TCAIM: variants seen among roughly 807,000 people sequenced by gnomAD.
TCAIM encodes T-cell activation inhibitor, mitochondrial.
TCAIM carries 36 observed loss-of-function variants against 58.6 expected under a neutral mutation model. The observed-to-expected ratio is 0.61, with a 90% CI of 0.47 to 0.81. TCAIM has a LOEUF of 0.81. TCAIM is among the 30% of genes least tolerant of loss of function. TCAIM has a pLI of 0.00. For missense variants in TCAIM, 466 were observed against 579.6 expected, an observed-to-expected ratio of 0.80 and a Z score of 2.01; for synonymous variants, 172 against 193.6, an observed-to-expected ratio of 0.89 and a Z score of 0.93.
intron 1 of TCAIM, among the ~76,000 whole-genome samples, chr3:44,347,042 G>C (rs1270343302): frequency 2.6e-5 from 4 of 152,164 alleles, no homozygotes; most frequent in Non-Finnish European, 4.4e-5. Context: ...TCCAAAGGCG[G>C]AAGTACCTAA....
intron 5 of TCAIM, among the ~76,000 whole-genome samples, chr3:44,381,502 A>G (rs947689319): frequency 6.6e-6 from 1 of 152,192 alleles, no homozygotes; most frequent in Non-Finnish European, 1.5e-5. Context: ...AATAAAAGCT[A>G]TATATGAAAA....
chr3:44,402,168 G>A (rs1315155586), intron 10 of TCAIM, among the ~76,000 whole-genome samples: 1 of 152,110 alleles, frequency 6.6e-6, no homozygotes, highest in African/African-American at 2.4e-5. Flanking sequence ...ACTTTAGGAG[G>A]CCAAGGCAAG....
Position 44,357,874 on chromosome 3 carries a change from A to G in TCAIM, c.163A>G (p.Arg55Gly), listed in dbSNP as rs781222865. ...PDFFGQHPVE[R>G]EINENSLKRL... ...TTTCTTTGGACAGCACCCCGTAGAA[A>G]GGGTAAACATTTATTTATTTTTAAA... is the stretch of plus-strand genomic sequence containing the variant. The change falls in exon 3 of 11, where the codon AGG becomes GGG. Residue 55 changes from arginine (R) to glycine (G), a missense_variant and splice_region_variant. Arg to Gly is a moderately radical substitution (Grantham distance 125). Coordinates refer to ENST00000342649, the MANE Select transcript of TCAIM (RefSeq NM_173826.4). The G allele has an allele frequency of 1.9e-6, 3 of 1,613,000 alleles. No homozygotes were observed. The highest frequency in any genetic ancestry group is 1.1e-5 in the South Asian group (1 of 90,788).
At chr3:44,407,363 A>C in intron 10 of TCAIM, 79 bp from the exon 11 acceptor site, 1 of 1,178,382 alleles carries the variant, frequency 8.5e-7, no homozygotes, top group Non-Finnish European at 1.2e-6. Flanking sequence ...ATGTAAGAAT[A>C]TATTTACATT....
At chr3:44,400,770 A>C (rs1702010624) in intron 9 of TCAIM, 183 bp downstream of exon 9, 1 of 611,488 alleles carries the variant, frequency 1.6e-6, no homozygotes, top group Non-Finnish European at 2.8e-6. Context: ...GGATTGAAGG[A>C]TTTAATGTCT....
At chr3:44,341,000 C>T (rs534145279) in intron 1 of TCAIM, 12 of 152,078 alleles carry the variant, frequency 7.9e-5, no homozygotes, top group African/African-American at 1.9e-4. Context: ...TTAAACAGAA[C>T]GAGAAAATAT....
chr3:44,401,418 C>A, intron 10 of TCAIM, 84 bp downstream of exon 10: 1 of 1,530,236 alleles, frequency 6.5e-7, no homozygotes, highest in Non-Finnish European at 8.9e-7. Context: ...AATATGGGAC[C>A]TGGAAACAGT....
chr3:44,367,386 G>T, intron 4 of TCAIM, 70 bp from the exon 5 acceptor site: 1 of 1,489,634 alleles, frequency 6.7e-7, no homozygotes. Context: ...AAAAGATTTT[G>T]ATTTTATATA....
chr3:44,353,218 G>A (rs1401222892), intron 1 of TCAIM, among the ~76,000 whole-genome samples: 1 of 133,560 alleles, frequency 7.5e-6, no homozygotes, highest in East Asian at 2.9e-4. Flanking sequence ...ACCGCGCCTG[G>A]CCAACTTCTT....
At chr3:44,392,227 A>G (rs1701849630) in intron 5 of TCAIM, among the ~76,000 whole-genome samples, 1 of 152,258 alleles carries the variant, frequency 6.6e-6, no homozygotes. Flanking sequence ...AAAAGTAGGT[A>G]TCTCTGAAAA....
chr3:44,370,746 C>G (rs1238492366), intron 5 of TCAIM, among the ~76,000 whole-genome samples: 1 of 50,274 alleles, frequency 2.0e-5, no homozygotes, highest in Admixed American at 3.2e-4. Context: ...TTCTTTCTTT[C>G]TTTCTTTCTT....
At chr3:44,340,340 AT>A (rs1196996598) in intron 1 of TCAIM, 1 of 152,172 alleles carries the variant, frequency 6.6e-6, no homozygotes, top group Non-Finnish European at 1.5e-5. Context: ...AGGCCCACGT[AT>A]TTCTGTCTTG....
intron 6 of TCAIM, among the ~76,000 whole-genome samples, chr3:44,394,917 AAAAAATATATATATATATATAT>A (rs1701904393): frequency 2.7e-5 from 1 of 36,884 alleles, no homozygotes; most frequent in African/African-American, 8.6e-5. Flanking sequence ...AAAAAAAAAA[AAAAAATATATATATATATATAT>A]ATATATATAT....
intron 3 of TCAIM, chr3:44,358,996 G>A (rs1701250832): frequency 1.0e-6 from 1 of 984,160 alleles, no homozygotes. Flanking sequence ...CATTAACTCG[G>A]GGATGCATTA....
chr3:44,373,492 TAA>T (rs57534272), intron 5 of TCAIM, among the ~76,000 whole-genome samples: 116 of 147,314 alleles, frequency 7.9e-4, no homozygotes, highest in Middle Eastern at 3.5e-3. Context: ...CCATCTCTAT[TAA>T]AAAAAAAAAA....
chr3:44,338,167 T>A (rs1039830099), upstream of TCAIM: 1 of 152,486 alleles, frequency 6.6e-6, no homozygotes, highest in Non-Finnish European at 1.5e-5. Context: ...CAGCGCGTGC[T>A]CGGTTGCCCT....
At position 44,376,581 on chromosome 3, in the gene TCAIM, C is replaced by T. The variant is rs531102369; in HGVS notation, c.572+8873C>T. On this transcript the variant is annotated intron_variant, in intron 5 of 10. Transcript: ENST00000342649. Reference sequence around the variant, plus strand: ...ACTAAAGAATATACACAAAAGGAAACGAGAAAGGAATTTAAATGTTTTGCC... The same window carrying T: ...ACTAAAGAATATACACAAAAGGAAATGAGAAAGGAATTTAAATGTTTTGCC... 1.1e-4 allele frequency among the ~76,000 whole-genome samples: 17 copies of T among 151,246 alleles called. No homozygotes were observed. The South Asian group carries it at 1.7e-3, about 15-fold the overall frequency.
At chr3:44,351,455 T>TA (rs1172633475) in intron 1 of TCAIM, among the ~76,000 whole-genome samples, 1 of 151,896 alleles carries the variant, frequency 6.6e-6, no homozygotes, top group Non-Finnish European at 1.5e-5. Flanking sequence ...GTGCATGGTT[T>TA]AAAAAAATCA....
At chr3:44,345,324 A>G (rs2125624492) in intron 1 of TCAIM, among the ~76,000 whole-genome samples, 1 of 152,062 alleles carries the variant, frequency 6.6e-6, no homozygotes, top group East Asian at 2.0e-4. Flanking sequence ...AGGTCCAAAT[A>G]AGAGAAGGAG....
Sources: allele counts gnomAD v4.1 joint callset (sites outside exome capture counted in the v4.1 genomes callset), GRCh38; gene constraint gnomAD v4.1.1; transcripts MANE v1.5; gene names NCBI Gene and HGNC (gene_info 2026-07-23, HGNC 2026-07-21).